ZFHX3: variants seen among roughly 807,000 people sequenced by gnomAD.
ZFHX3 encodes the protein zinc finger homeobox 3, also known as zinc finger homeobox protein 3.
ZFHX3 carries 42 observed loss-of-function variants against 279.1 expected under a neutral mutation model. The observed-to-expected ratio is 0.15, with a 90% CI of 0.12 to 0.19. The LOEUF (loss-of-function observed/expected upper bound fraction) is 0.19, where lower values mean the gene tolerates loss of function less well. ZFHX3 is among the 10% of genes least tolerant of loss of function. The pLI, the probability that ZFHX3 is intolerant of heterozygous loss-of-function variation, is 1.00. For synonymous variants in ZFHX3, 2,293 were observed against 1,957.8 expected (o/e 1.17, Z -4.52); for missense variants, 4,981 against 4,754.0 (o/e 1.05, Z -1.40).
intron 8 of ZFHX3, among the ~76,000 whole-genome samples, chr16:73,065,972 G>A (rs1479029506): frequency 1.3e-5 from 2 of 152,250 alleles, no homozygotes; most frequent in Non-Finnish European, 2.9e-5. Context: ...CTTGGTTAAG[G>A]CTGGTGAGTG....
At chr16:73,649,724 T>A (rs1206039610) in intron 2 of ZFHX3, among the ~76,000 whole-genome samples, 1 of 152,192 alleles carries the variant, frequency 6.6e-6, no homozygotes, top group African/African-American at 2.4e-5. Flanking sequence ...GCTTATCTAA[T>A]AATGAGTTCT....
chr16:73,274,942 G>C (rs1361652748), intron 4 of ZFHX3, among the ~76,000 whole-genome samples: 1 of 152,216 alleles, frequency 6.6e-6, no homozygotes, highest in African/African-American at 2.4e-5. Context: ...TCCCTATAAA[G>C]CTATGTCCAC....
chr16:73,300,664 C>T (rs375722167), intron 4 of ZFHX3, among the ~76,000 whole-genome samples: 13 of 152,294 alleles, frequency 8.5e-5, no homozygotes, highest in African/African-American at 2.2e-4. Context: ...CCACCATGCC[C>T]GGCTAATTTT....
intron 6 of ZFHX3, among the ~76,000 whole-genome samples, chr16:73,132,249 C>A (rs982800508): frequency 5.9e-5 from 9 of 152,154 alleles, no homozygotes; most frequent in African/African-American, 2.2e-4. Context: ...TGTATCACTG[C>A]ACTCTAGCCT....
intron 1 of ZFHX3, among the ~76,000 whole-genome samples, chr16:73,861,534 T>C (rs1390894844): frequency 6.6e-6 from 1 of 152,128 alleles, no homozygotes; most frequent in Non-Finnish European, 1.5e-5. Context: ...CCCTAATATA[T>C]CCTAGATAGT....
chr16:72,917,857 G>T (rs965035923), intron 3 of ZFHX3, among the ~76,000 whole-genome samples: 7 of 152,106 alleles, frequency 4.6e-5, no homozygotes, highest in African/African-American at 1.4e-4. Context: ...AAATAATTAA[G>T]TGGAAATATA....
At chr16:73,711,024 C>G (rs370538817) in intron 1 of ZFHX3, among the ~76,000 whole-genome samples, 15 of 152,308 alleles carry the variant, frequency 9.8e-5, no homozygotes, top group Non-Finnish European at 1.5e-4. Context: ...TGCTGTAATT[C>G]AAAAGTTAGA....
At chr16:73,382,026 T>C (rs1456314871) in intron 3 of ZFHX3, among the ~76,000 whole-genome samples, 1 of 152,198 alleles carries the variant, frequency 6.6e-6, no homozygotes, top group African/African-American at 2.4e-5. Flanking sequence ...CCAATAAAAC[T>C]TTATTTACAA....
At chr16:72,987,297 T>A (rs917520028) in intron 1 of ZFHX3, among the ~76,000 whole-genome samples, 4 of 152,222 alleles carry the variant, frequency 2.6e-5, no homozygotes, top group African/African-American at 9.6e-5. Context: ...TCTACAGCAC[T>A]AGGCCTTCAA....
chr16:73,735,982 G>C (rs1432114190), intron 1 of ZFHX3, among the ~76,000 whole-genome samples: 12 of 151,534 alleles, frequency 7.9e-5, no homozygotes, highest in Non-Finnish European at 1.6e-4. Flanking sequence ...CATGTTATTG[G>C]GGATCTCCTA....
At chr16:73,606,476 G>T (rs2052183861) in intron 2 of ZFHX3, among the ~76,000 whole-genome samples, 1 of 109,866 alleles carries the variant, frequency 9.1e-6, no homozygotes, top group African/African-American at 3.6e-5. Flanking sequence ...ACAAGAGTGA[G>T]ACTTTGTCTC....
chr16:73,512,795 A>G (rs2019456273), intron 2 of ZFHX3, among the ~76,000 whole-genome samples: 1 of 152,152 alleles, frequency 6.6e-6, no homozygotes, highest in African/African-American at 2.4e-5. Context: ...GGAGGTGGGA[A>G]TGTTAGAATA....
intron 1 of ZFHX3, among the ~76,000 whole-genome samples, chr16:73,685,140 G>C (rs147532645): frequency 6.6e-6 from 1 of 151,504 alleles, no homozygotes; most frequent in African/African-American, 2.4e-5. Context: ...TCAGCCTCCC[G>C]AGTAGCTGGG....
intron 1 of ZFHX3, among the ~76,000 whole-genome samples, chr16:73,046,923 G>A (rs1435053337): frequency 6.6e-6 from 1 of 152,008 alleles, no homozygotes; most frequent in Admixed American, 6.6e-5. Flanking sequence ...GACCCTCCTG[G>A]ATTCACCTGC....
chr16:73,226,013 A>G (rs764950552), intron 5 of ZFHX3, among the ~76,000 whole-genome samples: 1 of 152,182 alleles, frequency 6.6e-6, no homozygotes, highest in Non-Finnish European at 1.5e-5. Flanking sequence ...TTTGCCCCCA[A>G]GCCTCTTCAT....
At chr16:73,851,993 A>C (rs1312595496) in intron 1 of ZFHX3, among the ~76,000 whole-genome samples, 1 of 152,216 alleles carries the variant, frequency 6.6e-6, no homozygotes, top group Non-Finnish European at 1.5e-5. Context: ...TACCGTGAAG[A>C]ACTGTCTCAT....
exon 8 of ZFHX3, chr16:73,093,337 C>A: frequency 4.9e-6 from 2 of 411,426 alleles, no homozygotes; most frequent in Admixed American, 2.9e-5. Context: ...CAGAAGTGTG[C>A]CCAGGCCAAC....
intron 4 of ZFHX3, among the ~76,000 whole-genome samples, chr16:73,265,015 C>CATATATATAT (rs59599339): frequency 0.059 from 8,434 of 141,918 alleles, 321 homozygotes; most frequent in East Asian, 0.18. Context: ...CACCTCAGTG[C>CATATATATAT]ATATATATAT....
chr16:72,787,694 A>AGCT lies in ZFHX3; in HGVS notation c.10581_10582insAGC (p.Ser3528dup). On this transcript the variant is annotated inframe_insertion, in exon 10 of 10. Transcript: ENST00000268489. ...CTCTCGCACGCCAGGCAGTGGTACG[A>AGCT]GCCGCCGCCGCCGCCGCCGCCGCCA... 2 of 1,420,646 alleles carry AGCT rather than the reference A, an allele frequency of 1.4e-6. No homozygotes were observed. The highest frequency in any genetic ancestry group is 1.8e-6 in the Non-Finnish European group (2 of 1,084,260). The allele number at this position is 1,420,646 out of a possible 1,614,324, so 88.0% of individuals were successfully genotyped here.
Sources: gnomAD v4.1 joint callset for allele counts (sites outside exome capture counted in the v4.1 genomes callset) on GRCh38, gnomAD v4.1.1 for gene constraint, MANE v1.5 for transcripts, NCBI Gene and HGNC (gene_info 2026-07-23, HGNC 2026-07-21) for gene names.